Variants in GRB10 observed in about 807,000 individuals in gnomAD.
GRB10 encodes the protein growth factor receptor bound protein 10.
GRB10 carries 20 observed loss-of-function variants against 80.9 expected under a neutral mutation model. The observed-to-expected ratio is 0.25, with a 90% CI of 0.17 to 0.36. GRB10 has a LOEUF of 0.36. GRB10 is among the 10% of genes least tolerant of loss of function. The pLI is 1.00. For synonymous variants in GRB10, 291 were observed against 291.5 expected, an observed-to-expected ratio of 1.00 and a Z score of 0.02; for missense variants, 548 against 747.7, an observed-to-expected ratio of 0.73 and a Z score of 3.12.
chr7:50,606,542 G>C (rs1226927206), intron 13 of GRB10, 128 bp from the exon 14 acceptor site: 4 of 739,146 alleles, frequency 5.4e-6, no homozygotes, highest in Non-Finnish European at 9.8e-6. Flanking sequence ...CCAGCCTCCA[G>C]GAGCCTGAGT....
chr7:50,770,424 G>A (rs951444456), intron 2 of GRB10, among the ~76,000 whole-genome samples: 1 of 152,196 alleles, frequency 6.6e-6, no homozygotes, highest in African/African-American at 2.4e-5. Flanking sequence ...TGAATTCAGT[G>A]AGGGGGTGTT....
chr7:50,787,999 C>T (rs1157561009), intron 1 of GRB10, among the ~76,000 whole-genome samples: 2 of 152,094 alleles, frequency 1.3e-5, no homozygotes, highest in Non-Finnish European at 1.5e-5. Flanking sequence ...GATGTGAAGA[C>T]CGTCTAGGAA....
Position 50,592,287 on chromosome 7 carries a change from T to C in GRB10, c.*665A>G, listed in dbSNP as rs2045926032. ...TGGTTGCTTGACTGAGTCCACAAAA[T>C]ATGCCAAATGCCTACCACAGTGACA... On this transcript the variant is annotated 3_prime_UTR_variant, in exon 19 of 19. Coordinates refer to ENST00000401949, the MANE Select transcript of GRB10 (RefSeq NM_001350814.2). 6.4e-6 allele frequency: 1 copy of C among 156,060 alleles called. No individual in the cohort carries two copies. Among genetic ancestry groups the C allele is most frequent in the Non-Finnish European group, 1.4e-5 (1 of 70,508 alleles). 9.7% of individuals were successfully genotyped at this position (156,060 alleles called of 1,614,324 possible). A position where few individuals can be genotyped will look rare whatever the true frequency, so the allele number is the denominator to read the frequency against.
chr7:50,632,386 A>G (rs1236074779), intron 7 of GRB10, among the ~76,000 whole-genome samples: 1 of 152,054 alleles, frequency 6.6e-6, no homozygotes, highest in Non-Finnish European at 1.5e-5. Flanking sequence ...CTGAGGCTTG[A>G]CCCTGAGGCC....
chr7:50,752,285 C>T (rs974192940), intron 3 of GRB10, among the ~76,000 whole-genome samples: 1 of 152,112 alleles, frequency 6.6e-6, no homozygotes, highest in African/African-American at 2.4e-5. Context: ...GCTCAAGTTA[C>T]AGAAGCCAAA....
At chr7:50,634,189 T>C (rs1283363655) in intron 7 of GRB10, among the ~76,000 whole-genome samples, 1 of 152,196 alleles carries the variant, frequency 6.6e-6, no homozygotes, top group Non-Finnish European at 1.5e-5. Context: ...AACAGTGGAC[T>C]TCTCAGCAGA....
intron 4 of GRB10, among the ~76,000 whole-genome samples, chr7:50,716,133 C>T (rs1563570196): frequency 6.6e-6 from 1 of 152,194 alleles, no homozygotes; most frequent in East Asian, 1.9e-4. Context: ...GGAAGAACCA[C>T]CAGAATGAAG....
At chr7:50,791,818 C>A (rs1056140907) in intron 1 of GRB10, among the ~76,000 whole-genome samples, 2 of 152,106 alleles carry the variant, frequency 1.3e-5, no homozygotes, top group African/African-American at 2.4e-5. Flanking sequence ...AAGAGAAAAA[C>A]CTAGACATCT....
At chr7:50,735,178 A>G (rs1489837620) in intron 3 of GRB10, among the ~76,000 whole-genome samples, 3 of 152,268 alleles carry the variant, frequency 2.0e-5, no homozygotes, top group Non-Finnish European at 4.4e-5. Flanking sequence ...ACAATCCAAT[A>G]GATAATTAAG....
chr7:50,605,544 A>T, intron 14 of GRB10, 138 bp from the exon 15 acceptor site: 1 of 785,368 alleles, frequency 1.3e-6, no homozygotes. Context: ...CCCAAGTTTC[A>T]GGTGGGAAAT....
chr7:50,710,243 CATGGCCCAGCCT>C (rs1030916217), intron 4 of GRB10, among the ~76,000 whole-genome samples: 1 of 152,166 alleles, frequency 6.6e-6, no homozygotes, highest in Non-Finnish European at 1.5e-5. Flanking sequence ...AACCCCAGCA[CATGGCCCAGCCT>C]CACCCCAAGA....
intron 18 of GRB10, among the ~76,000 whole-genome samples, chr7:50,595,029 G>A (rs1180508033): frequency 3.3e-5 from 5 of 152,090 alleles, no homozygotes; most frequent in Admixed American, 6.6e-5. Context: ...CCAGACCCAC[G>A]TGCTCACAGC....
At chr7:50,624,390 G>C (rs995920997) in intron 8 of GRB10, among the ~76,000 whole-genome samples, 1 of 152,220 alleles carries the variant, frequency 6.6e-6, no homozygotes, top group Non-Finnish European at 1.5e-5. Flanking sequence ...TACTCAACAG[G>C]CTCTCTGAGA....
At chr7:50,762,483 G>A (rs1237332280) in intron 2 of GRB10, among the ~76,000 whole-genome samples, 1 of 151,984 alleles carries the variant, frequency 6.6e-6, no homozygotes, top group Non-Finnish European at 1.5e-5. Flanking sequence ...CTGTCTTCAA[G>A]GAACTCAGCT....
rs192266199 is a variant in GRB10, at chr7:50,751,066, C to A, written c.-47+4821G>T. Among the ~76,000 whole-genome samples the A allele has an allele frequency of 3.3e-5, 5 of 152,226 alleles. No homozygotes were observed. The East Asian group carries it at 9.7e-4, about 29-fold the overall frequency. On this transcript the variant is annotated intron_variant, in intron 3 of 18. Transcript: ENST00000401949. Reference sequence around the variant, plus strand: ...AATGAAGGCATTGACCCACAGGGACCGAGAGCTCACTGACCAACAAGAGAG... The same window carrying A: ...AATGAAGGCATTGACCCACAGGGACAGAGAGCTCACTGACCAACAAGAGAG...
At chr7:50,676,335 CGGGG>C (rs3040026) in intron 5 of GRB10, among the ~76,000 whole-genome samples, 108 of 93,190 alleles carry the variant, frequency 1.2e-3, no homozygotes, top group African/African-American at 3.3e-3. Context: ...TCCACCCCAC[CGGGG>C]GGGGGGGGGG....
chr7:50,700,809 C>T (rs141575251), intron 5 of GRB10, among the ~76,000 whole-genome samples: 1 of 152,294 alleles, frequency 6.6e-6, no homozygotes, highest in Admixed American at 6.5e-5. Flanking sequence ...GATTTATTCA[C>T]ACTGGGTCAA....
intron 13 of GRB10, chr7:50,606,752 GA>G (rs2048608870): frequency 9.1e-6 from 3 of 329,398 alleles, no homozygotes; most frequent in South Asian, 2.9e-5. Flanking sequence ...GGAAGCTAGA[GA>G]AAAAAATGTT....
At chr7:50,667,568 C>T (rs1166816091) in intron 7 of GRB10, among the ~76,000 whole-genome samples, 1 of 151,798 alleles carries the variant, frequency 6.6e-6, no homozygotes, top group Non-Finnish European at 1.5e-5. Flanking sequence ...GGTTGTCCAG[C>T]ACTTGCTACC....
Sources: allele counts gnomAD v4.1 joint callset (sites outside exome capture counted in the v4.1 genomes callset), GRCh38; gene constraint gnomAD v4.1.1; transcripts MANE v1.5; gene names NCBI Gene and HGNC (gene_info 2026-07-23, HGNC 2026-07-21).